Variants in NUP160 observed in about 807,000 individuals in gnomAD.
NUP160 encodes nucleoporin 160, also known as nuclear pore complex protein Nup160.
Under a neutral mutation model 196.9 loss-of-function variants are expected in NUP160, and 94 were observed. That is an observed-to-expected ratio of 0.48 (90% CI 0.40 to 0.57). The LOEUF (loss-of-function observed/expected upper bound fraction) is 0.57. NUP160 is among the 20% of genes least tolerant of loss of function. The pLI, the probability that NUP160 is intolerant of heterozygous loss-of-function variation, is 0.00. For synonymous variants in NUP160, 605 were observed against 619.7 expected (o/e 0.98, Z 0.35); for missense variants, 1,638 against 1,748.3 (o/e 0.94, Z 1.13).
intron 31 of NUP160, 93 bp downstream of exon 31, chr11:47,788,089 G>T: frequency 9.9e-7 from 1 of 1,012,118 alleles, no homozygotes; most frequent in Non-Finnish European, 1.5e-6. Flanking sequence ...AATGATATAT[G>T]GGCTACTTGG....
intron 7 of NUP160, among the ~76,000 whole-genome samples, chr11:47,832,766 T>A (rs1333785606): frequency 1.3e-5 from 2 of 152,244 alleles, no homozygotes; most frequent in African/African-American, 4.8e-5. Flanking sequence ...AAACTCTCTC[T>A]ATTCCAATTC....
At chr11:47,812,100 C>A (rs1305891073) in exon 17 of NUP160, 1 of 1,614,126 alleles carries the variant, frequency 6.2e-7, no homozygotes, top group South Asian at 1.1e-5. Flanking sequence ...GCTGTAAGAT[C>A]AAAAGATCTC....
exon 35 of NUP160, chr11:47,780,391 C>G (rs771886970): frequency 6.2e-7 from 1 of 1,613,818 alleles, no homozygotes; most frequent in Non-Finnish European, 8.5e-7. Flanking sequence ...CTTGGAGAAG[C>G]TGATCAATAG....
chr11:47,788,876 CTTT>C (rs576717550), intron 29 of NUP160, among the ~76,000 whole-genome samples: 1 of 141,036 alleles, frequency 7.1e-6, no homozygotes, highest in East Asian at 2.1e-4. Flanking sequence ...ACTCTTTAAA[CTTT>C]TTTTTTTTTT....
At chr11:47,837,491 T>C (rs531908407) in intron 5 of NUP160, 54 bp downstream of exon 5, 48 of 1,364,908 alleles carry the variant, frequency 3.5e-5, no homozygotes, top group Non-Finnish European at 4.8e-5. Context: ...TGCCGACCAG[T>C]GCAAAAAGAT....
chr11:47,840,513 T>C (rs757441379), exon 3 of NUP160: 3 of 1,614,154 alleles, frequency 1.9e-6, no homozygotes, highest in Admixed American at 3.3e-5. Context: ...TTTGGAATTT[T>C]AGGCGAATGG....
intron 18 of NUP160, among the ~76,000 whole-genome samples, chr11:47,807,654 C>T (rs553837110): frequency 2.0e-5 from 3 of 150,200 alleles, no homozygotes; most frequent in African/African-American, 4.9e-5. Flanking sequence ...GCAACAAGAG[C>T]GAAACTCCAT....
intron 11 of NUP160, 25 bp from the exon 12 acceptor site, chr11:47,816,054 T>A (rs948122885): frequency 6.7e-7 from 1 of 1,495,482 alleles, no homozygotes; most frequent in Non-Finnish European, 9.3e-7. Flanking sequence ...CATTTTAGAC[T>A]TCTATATAAT....
chr11:47,841,629 C>A, intron 2 of NUP160: 1 of 417,016 alleles, frequency 2.4e-6, no homozygotes. Flanking sequence ...GATCCTGGAA[C>A]GTGCTCTAGT....
intron 7 of NUP160, among the ~76,000 whole-genome samples, chr11:47,826,633 G>A (rs904712686): frequency 2.0e-5 from 3 of 147,158 alleles, no homozygotes; most frequent in Non-Finnish European, 4.5e-5. Flanking sequence ...CACAATCTCC[G>A]CTCACTGCAA....
intron 30 of NUP160, 22 bp downstream of exon 30, chr11:47,788,479 C>CT: frequency 6.3e-7 from 1 of 1,599,964 alleles, no homozygotes; most frequent in Non-Finnish European, 8.6e-7. Flanking sequence ...AAGTCAGAGG[C>CT]TTTAAACTCT....
At chr11:47,782,819 T>C (rs112265615) in intron 34 of NUP160, among the ~76,000 whole-genome samples, 4,880 of 152,150 alleles carry the variant, frequency 0.032, 273 homozygotes, top group African/African-American at 0.11. Flanking sequence ...CCACTGCATC[T>C]GGCTAATTTC....
intron 34 of NUP160, among the ~76,000 whole-genome samples, chr11:47,780,923 A>AT (rs1382948722): frequency 6.6e-6 from 1 of 151,816 alleles, no homozygotes; most frequent in Admixed American, 6.6e-5. Flanking sequence ...GAAACTTGTC[A>AT]TTTTTTTCGG....
chr11:47,829,971 C>G (rs1374488176), intron 7 of NUP160, among the ~76,000 whole-genome samples: 1 of 152,204 alleles, frequency 6.6e-6, no homozygotes, highest in Non-Finnish European at 1.5e-5. Flanking sequence ...AACTATGCAT[C>G]TGACGAGGGT....
chr11:47,819,913 C>G (rs901227508), intron 9 of NUP160, among the ~76,000 whole-genome samples: 1 of 152,232 alleles, frequency 6.6e-6, no homozygotes, highest in African/African-American at 2.4e-5. Flanking sequence ...TATATCACAG[C>G]TAGTAAGTTG....
chr11:47,803,525 T>C, exon 22 of NUP160: 4 of 1,602,242 alleles, frequency 2.5e-6, no homozygotes, highest in Non-Finnish European at 3.4e-6. Flanking sequence ...GATGTAGCAG[T>C]TGAATATAAT....
intron 29 of NUP160, among the ~76,000 whole-genome samples, chr11:47,788,980 G>C (rs2097666381): frequency 1.3e-5 from 2 of 151,702 alleles, no homozygotes. Flanking sequence ...GGGTTCATGT[G>C]ATTCTCCTGC....
In NUP160 at chr11:47,819,360, G is replaced by T; in HGVS notation, c.1362+14C>A. 1.1e-5 allele frequency: 16 copies of T among 1,447,042 alleles called. No homozygotes were observed. The highest frequency in any genetic ancestry group is 1.4e-5 in the African/African-American group (1 of 71,282). 89.6% of individuals were successfully genotyped at this position (1,447,042 alleles called of 1,614,324 possible). On this transcript the variant is annotated intron_variant, in intron 10 of 35. Transcript: ENST00000378460. ...TAAATCATTCCCTTATATAACATTT[G>T]AGCATCTACTTACTCTGGGGTCTTG...
chr11:47,847,640 T>G (rs1197618007), intron 2 of NUP160, among the ~76,000 whole-genome samples: 1 of 23,340 alleles, frequency 4.3e-5, no homozygotes, highest in African/African-American at 1.2e-4. Flanking sequence ...TGTATGTGTG[T>G]GTGGGGGTGG....
Sources: allele counts gnomAD v4.1 joint callset (sites outside exome capture counted in the v4.1 genomes callset), GRCh38; gene constraint gnomAD v4.1.1; transcripts MANE v1.5; gene names NCBI Gene and HGNC (gene_info 2026-07-23, HGNC 2026-07-21).